The following RCAN2 variants were observed in gnomAD, a reference collection of about 807,000 sequenced individuals.
RCAN2 encodes regulator of calcineurin 2, also known as calcipressin-2.
Under a neutral mutation model 23.6 loss-of-function variants are expected in RCAN2, and 9 were observed. That is an observed-to-expected ratio of 0.38 (90% confidence interval 0.23 to 0.67). The LOEUF (loss-of-function observed/expected upper bound fraction) is 0.67, where lower values mean the gene tolerates loss of function less well. Ranked by LOEUF, RCAN2 falls within the 30% of genes least tolerant of loss-of-function variation. The probability of loss-of-function intolerance (pLI) is 0.51; values close to 1 mark genes in which losing one functional copy is unlikely to be tolerated. For synonymous variants in RCAN2, 109 were observed against 115.7 expected (o/e 0.94, Z 0.37); for missense variants, 273 against 302.3 (o/e 0.90, Z 0.72).
chr6:46,421,362 T>C (rs1766886379), intron 2 of RCAN2, among the ~76,000 whole-genome samples: 1 of 152,136 alleles, frequency 6.6e-6, no homozygotes, highest in Admixed American at 6.5e-5. Context: ...CAGATGACTT[T>C]GTGGCTGACA....
intron 2 of RCAN2, among the ~76,000 whole-genome samples, chr6:46,400,494 G>T (rs1473511693): frequency 6.6e-6 from 1 of 152,092 alleles, no homozygotes; most frequent in African/African-American, 2.4e-5. Context: ...ATAGATCCCT[G>T]CACAAATTAA....
At chr6:46,299,189 C>A (rs570420417) in intron 2 of RCAN2, among the ~76,000 whole-genome samples, 2 of 151,892 alleles carry the variant, frequency 1.3e-5, no homozygotes, top group Non-Finnish European at 2.9e-5. Flanking sequence ...AATTTACTTA[C>A]GTAACAAACC....
At chr6:46,404,933 AAAC>A (rs1412277379) in intron 2 of RCAN2, among the ~76,000 whole-genome samples, 1 of 152,214 alleles carries the variant, frequency 6.6e-6, no homozygotes, top group African/African-American at 2.4e-5. Flanking sequence ...TGTAAAGATT[AAAC>A]AACAGGTGAA....
intron 2 of RCAN2, among the ~76,000 whole-genome samples, chr6:46,330,305 G>A (rs1159102741): frequency 1.3e-5 from 2 of 152,136 alleles, no homozygotes; most frequent in African/African-American, 4.8e-5. Flanking sequence ...GGGAAGACCA[G>A]TATCTGTATT....
chr6:46,452,689 G>C lies in RCAN2; in HGVS notation c.225+4063C>G, dbSNP rs1429871940. 5.9e-5 allele frequency among the ~76,000 whole-genome samples: 9 copies of C among 152,168 alleles called. 1 individual carries two copies. On this transcript the variant is annotated intron_variant, in intron 2 of 4. Transcript: ENST00000371374. ...TTACAGAAAGATACTACCCTCATAG[G>C]GTTGTCATGACAAGTAAAGGACTCA... is the stretch of plus-strand genomic sequence containing the variant.
intron 2 of RCAN2, among the ~76,000 whole-genome samples, chr6:46,300,959 G>T (rs1299935324): frequency 6.6e-6 from 1 of 151,768 alleles, no homozygotes; most frequent in Non-Finnish European, 1.5e-5. Context: ...GGGACACCAA[G>T]ACTCTTTTGT....
intron 4 of RCAN2, among the ~76,000 whole-genome samples, chr6:46,240,331 T>C (rs781451441): frequency 1.3e-5 from 2 of 152,244 alleles, no homozygotes; most frequent in Non-Finnish European, 2.9e-5. Context: ...GTCTTCTGTT[T>C]TTCTACAATG....
chr6:46,233,121 T>C (rs1765957015), intron 4 of RCAN2, among the ~76,000 whole-genome samples: 1 of 151,510 alleles, frequency 6.6e-6, no homozygotes. Flanking sequence ...ATGGCTTCTC[T>C]GGCGCTCCCA....
intron 1 of RCAN2, chr6:46,468,798 A>C: frequency 1.0e-6 from 1 of 984,956 alleles, no homozygotes; most frequent in Non-Finnish European, 1.2e-6. Context: ...AGCCTTGCTC[A>C]CCTTTAATCA....
chr6:46,333,200 G>A, intron 2 of RCAN2, among the ~76,000 whole-genome samples: 1 of 152,036 alleles, frequency 6.6e-6, no homozygotes, highest in South Asian at 2.1e-4. Flanking sequence ...GTAGATTCTG[G>A]ATATTAGCCC....
At chr6:46,480,349 A>G (rs796437131) in intron 1 of RCAN2, among the ~76,000 whole-genome samples, 8 of 152,312 alleles carry the variant, frequency 5.3e-5, no homozygotes, top group African/African-American at 1.9e-4. Flanking sequence ...GGTCCTCAAT[A>G]AATATCCACA....
intron 4 of RCAN2, among the ~76,000 whole-genome samples, chr6:46,236,659 C>T (rs1295163811): frequency 1.3e-5 from 2 of 152,162 alleles, no homozygotes; most frequent in African/African-American, 4.8e-5. Context: ...TACTAACATA[C>T]TTGAGTGATG....
At chr6:46,479,100 T>C (rs1369337025) in intron 1 of RCAN2, among the ~76,000 whole-genome samples, 2 of 152,130 alleles carry the variant, frequency 1.3e-5, no homozygotes, top group Admixed American at 6.5e-5. Flanking sequence ...TCAAAGGAAA[T>C]ATCAATGACT....
intron 2 of RCAN2, among the ~76,000 whole-genome samples, chr6:46,391,432 G>C (rs1389721581): frequency 1.3e-5 from 2 of 152,158 alleles, no homozygotes; most frequent in African/African-American, 4.8e-5. Flanking sequence ...TTCAGCTCAG[G>C]GTGTTTGGGA....
At chr6:46,278,306 T>C (rs1767781086) in intron 2 of RCAN2, among the ~76,000 whole-genome samples, 1 of 152,076 alleles carries the variant, frequency 6.6e-6, no homozygotes, top group South Asian at 2.1e-4. Context: ...AATTCCTATA[T>C]ACCCTTCATC....
At chr6:46,405,239 C>A (rs1396405879) in intron 2 of RCAN2, among the ~76,000 whole-genome samples, 3 of 152,110 alleles carry the variant, frequency 2.0e-5, no homozygotes, top group Non-Finnish European at 4.4e-5. Flanking sequence ...CAGATCTTCA[C>A]CGTGAGTGTT....
intron 2 of RCAN2, among the ~76,000 whole-genome samples, chr6:46,271,802 G>A (rs1007155729): frequency 6.6e-6 from 1 of 152,168 alleles, no homozygotes; most frequent in African/African-American, 2.4e-5. Context: ...GAAGTAGAAA[G>A]AAGTACATCT....
intron 2 of RCAN2, among the ~76,000 whole-genome samples, chr6:46,289,887 T>C (rs903597437): frequency 2.6e-5 from 4 of 152,176 alleles, no homozygotes; most frequent in Admixed American, 1.3e-4. Flanking sequence ...AGTACTAAGT[T>C]TGTGCCACTG....
chr6:46,263,505 G>GTGTGTA (rs1767198703), intron 2 of RCAN2, among the ~76,000 whole-genome samples: 1 of 110,742 alleles, frequency 9.0e-6, no homozygotes, highest in Admixed American at 9.0e-5. Context: ...ATGTGTGTAT[G>GTGTGTA]TGTGTGTATG....
Sources: gnomAD v4.1 joint callset for allele counts (sites outside exome capture counted in the v4.1 genomes callset) on GRCh38, gnomAD v4.1.1 for gene constraint, MANE v1.5 for transcripts, NCBI Gene and HGNC (gene_info 2026-07-23, HGNC 2026-07-21) for gene names.